ZNF16: variants seen among roughly 807,000 people sequenced by gnomAD.
ZNF16 encodes zinc finger protein 16.
A neutral mutation model predicts 9.0 loss-of-function variants in ZNF16; 7 were observed. That is an observed-to-expected ratio of 0.78 (90% CI 0.44 to 1.47). The LOEUF (loss-of-function observed/expected upper bound fraction) is 1.47, where lower values mean the gene tolerates loss of function less well. ZNF16 is among the 40% of genes most tolerant of loss of function. ZNF16 has a pLI of 0.01. For synonymous variants in ZNF16, 312 were observed against 301.5 expected (o/e 1.03, Z -0.36); for missense variants, 830 against 854.2 (o/e 0.97, Z 0.35).
chr8:144,942,782 C>T (rs575057744), intron 2 of ZNF16, among the ~76,000 whole-genome samples: 2 of 152,298 alleles, frequency 1.3e-5, no homozygotes, highest in South Asian at 4.1e-4. Context: ...ACTTATAATG[C>T]AGACCTTTTA....
At chr8:144,943,550 C>G (rs1054203975) in intron 2 of ZNF16, among the ~76,000 whole-genome samples, 5 of 151,582 alleles carry the variant, frequency 3.3e-5, no homozygotes, top group African/African-American at 7.3e-5. Flanking sequence ...GACAGAGTCT[C>G]ACTCCATTAC....
intron 2 of ZNF16, among the ~76,000 whole-genome samples, chr8:144,942,954 T>C (rs80185413): frequency 6.6e-6 from 1 of 152,382 alleles, no homozygotes; most frequent in East Asian, 1.9e-4. Context: ...TATTTTTGTA[T>C]GGCTTTGAGT....
rs372829085 is a variant in ZNF16, at chr8:144,932,159, T to G, written c.628A>C (p.Ile210Leu). The G allele has an allele frequency of 6.2e-7, 1 of 1,614,220 alleles. No individual in the cohort carries two copies. Among genetic ancestry groups the G allele is most frequent in the Non-Finnish European group, 8.5e-7 (1 of 1,180,048 alleles). ...AAGGTTTTCCCACACTCATTACATA[T>G]GAGTGGACTTTCAGCTGTGGGAACC... ...EGVPTAESPL[I>L]CNECGKTFQG... Residue 210 changes from isoleucine to leucine, a missense_variant, in exon 3 of 3, where the codon ATA becomes CTA. By Grantham distance (5) the Ile-to-Leu change is conservative. Transcript: ENST00000394909. The surrounding 1 kb of genome is among the most constrained non-coding windows in gnomAD (Gnocchi z 5.0).
At chr8:144,950,320 A>G (rs576888001) in intron 1 of ZNF16, 55 of 152,324 alleles carry the variant, frequency 3.6e-4, no homozygotes, top group Admixed American at 2.2e-3. Context: ...GCAGGTCCTT[A>G]GTGTGCCGAG....
intron 1 of ZNF16, chr8:144,947,822 G>A (rs1834000542): frequency 6.6e-6 from 1 of 152,632 alleles, no homozygotes; most frequent in Non-Finnish European, 1.5e-5. Context: ...GTGAGCAGGA[G>A]AGAGGACACT....
chr8:144,937,643 G>C (rs1256796965), intron 2 of ZNF16, among the ~76,000 whole-genome samples: 1 of 151,974 alleles, frequency 6.6e-6, no homozygotes, highest in Non-Finnish European at 1.5e-5. Flanking sequence ...TGATCTATTT[G>C]GAGTTAATTT....
chr8:144,930,812 A>C lies in ZNF16; in HGVS notation c.1975T>G (p.Cys659Gly), dbSNP rs780322309. The C allele has an allele frequency of 6.4e-7, 1 of 1,563,116 alleles. No homozygotes were observed. Residue 659 changes from cysteine to glycine, a missense_variant, in exon 3 of 3, where the codon TGT becomes GGT. Transcript: ENST00000394909. Reference protein sequence around the residue: ...RIHTGVKPYDCAACGKAFSQR... With the variant: ...RIHTGVKPYDGAACGKAFSQR... ...CTGAAGGCTTTCCCACAAGCAGCAC[A>C]GTCATAGGGCTTCACCCCAGTGTGA...
chr8:144,949,863 G>A (rs891179344), intron 1 of ZNF16, among the ~76,000 whole-genome samples: 3 of 152,102 alleles, frequency 2.0e-5, no homozygotes, highest in Non-Finnish European at 4.4e-5. Flanking sequence ...CCGTCCCCCA[G>A]CCCAACGCCC....
At chr8:144,948,300 T>G (rs564345690) in intron 1 of ZNF16, 2 of 152,306 alleles carry the variant, frequency 1.3e-5, no homozygotes, top group African/African-American at 4.8e-5. Flanking sequence ...CAAGATTAAC[T>G]TGGCAGGGTG....
At chr8:144,939,801 TTC>T (rs1263411855) in intron 2 of ZNF16, among the ~76,000 whole-genome samples, 3 of 152,168 alleles carry the variant, frequency 2.0e-5, no homozygotes, top group Non-Finnish European at 2.9e-5. Context: ...AGTCACAATA[TTC>T]TCTTTTTATT....
intron 2 of ZNF16, among the ~76,000 whole-genome samples, chr8:144,939,772 A>G (rs1029087435): frequency 2.0e-5 from 3 of 152,134 alleles, no homozygotes; most frequent in African/African-American, 7.2e-5. Flanking sequence ...TGGGTTATCT[A>G]ATTTGTTGGT....
chr8:144,940,452 T>G (rs1276265920), intron 2 of ZNF16, among the ~76,000 whole-genome samples: 1 of 152,240 alleles, frequency 6.6e-6, no homozygotes, highest in Non-Finnish European at 1.5e-5. Context: ...TGTGTTTTCA[T>G]TCATCTGCAG....
intron 2 of ZNF16, chr8:144,944,417 CGTGGTGCTGGGTT>C (rs1563924199): frequency 7.3e-5 from 11 of 151,244 alleles, no homozygotes; most frequent in African/African-American, 1.7e-4. Context: ...CGTGAGCCAC[CGTGGTGCTGGGTT>C]ACAGGCGTGA....
chr8:144,946,593 C>T (rs1311118534), intron 1 of ZNF16, among the ~76,000 whole-genome samples: 1 of 129,162 alleles, frequency 7.7e-6, no homozygotes, highest in African/African-American at 3.0e-5. Flanking sequence ...TGCTGTGGGT[C>T]TGTATCCTGC....
chr8:144,950,650 C>CCCCCCGCGCGGCTCCG (rs1309563142), intron 1 of ZNF16, 147 bp downstream of exon 1: 1 of 129,554 alleles, frequency 7.7e-6, no homozygotes, highest in African/African-American at 2.8e-5. Flanking sequence ...GCTCCCACAA[C>CCCCCCGCGCGGCTCCG]CCCCCGCGCG....
intron 2 of ZNF16, among the ~76,000 whole-genome samples, chr8:144,937,141 CTCTTTTT>C (rs1312836099): frequency 3.2e-5 from 3 of 93,010 alleles, no homozygotes; most frequent in African/African-American, 7.2e-5. Flanking sequence ...TTCTTTCTCT[CTCTTTTT>C]TTTTTTTTTT....
Position 144,931,937 on chromosome 8 carries a change from G to A in ZNF16, c.850C>T (p.Gln284Ter), listed in dbSNP as rs1833557468. The stretch of plus-strand genomic sequence containing the variant: ...GGCCTCTCACTGCTGTGGTGACTCT[G>A]ATGCCTAGAAAAGTCTGAGTGCCCT... ...FRGHSDFSRH[Q>*]SHHSSERPYM... Residue 284 changes from glutamine to a stop codon, truncating the protein, a stop_gained, in exon 3 of 3, where the codon CAG (glutamine) becomes TAG (stop). Coordinates refer to ENST00000394909, the MANE Select transcript of ZNF16 (RefSeq NM_006958.3). LOFTEE classifies it low-confidence loss of function (END_TRUNC). The A allele has an allele frequency of 5.0e-6, 8 of 1,613,448 alleles. No homozygotes were observed. Among genetic ancestry groups the A allele is most frequent in the Admixed American group, 3.3e-5 (2 of 59,980 alleles).
intron 2 of ZNF16, among the ~76,000 whole-genome samples, chr8:144,942,106 T>C (rs1833814544): frequency 6.7e-6 from 1 of 150,048 alleles, no homozygotes; most frequent in Non-Finnish European, 1.5e-5. Context: ...GCCTCCCAAG[T>C]AGCTGGGACT....
intron 2 of ZNF16, among the ~76,000 whole-genome samples, chr8:144,935,405 T>C (rs945560437): frequency 9.9e-5 from 15 of 152,042 alleles, no homozygotes; most frequent in Admixed American, 9.8e-4. Context: ...AGGGTTTCTC[T>C]GTGTTGGTCA....
Sources: allele counts gnomAD v4.1 joint callset (sites outside exome capture counted in the v4.1 genomes callset), GRCh38; gene constraint gnomAD v4.1.1; non-coding constraint Gnocchi (gnomAD v3.1); transcripts MANE v1.5; gene names NCBI Gene and HGNC (gene_info 2026-07-23, HGNC 2026-07-21).